WWC2: variants seen among roughly 807,000 people sequenced by gnomAD.
The protein encoded by WWC2 is protein WWC2.
Under a neutral mutation model 138.5 loss-of-function variants are expected in WWC2, and 101 were observed. The ratio of observed to expected loss-of-function variants is 0.73; its 90% CI spans 0.62 to 0.86. The LOEUF (loss-of-function observed/expected upper bound fraction) is 0.86, where lower values mean the gene tolerates loss of function less well. Ranked by LOEUF, WWC2 falls within the 40% of genes least tolerant of loss-of-function variation. The probability of loss-of-function intolerance (pLI) is 0.00; values close to 1 mark genes in which losing one functional copy is unlikely to be tolerated. For missense variants in WWC2, 1,420 were observed against 1,419.4 expected (o/e 1.00, Z -0.01); for synonymous variants, 558 against 538.4 (o/e 1.04, Z -0.50).
chr4:183,311,360 G>T (rs79886153), intron 21 of WWC2, among the ~76,000 whole-genome samples: 3,392 of 152,194 alleles, frequency 0.022, 61 homozygotes, highest in Middle Eastern at 0.061. Context: ...TATGATTCTC[G>T]TGAGCATAAT....
At chr4:183,125,778 T>C (rs1323836363) in intron 1 of WWC2, among the ~76,000 whole-genome samples, 1 of 152,248 alleles carries the variant, frequency 6.6e-6, no homozygotes, top group Non-Finnish European at 1.5e-5. Context: ...GAAGAATTCA[T>C]GCTCATTCCC....
At chr4:183,158,145 C>G (rs556207560) in intron 1 of WWC2, among the ~76,000 whole-genome samples, 38 of 152,222 alleles carry the variant, frequency 2.5e-4, no homozygotes, top group Middle Eastern at 6.8e-3. Flanking sequence ...ACTCTTGTTC[C>G]TGTTAGGGCT....
chr4:183,154,518 C>T (rs113204674), intron 1 of WWC2, among the ~76,000 whole-genome samples: 17 of 152,234 alleles, frequency 1.1e-4, no homozygotes, highest in African/African-American at 2.2e-4. Flanking sequence ...GTGATTTCCC[C>T]GGTGTTGGAC....
intron 8 of WWC2, 33 bp downstream of exon 8, chr4:183,250,026 C>T: frequency 1.3e-6 from 2 of 1,578,064 alleles, no homozygotes; most frequent in South Asian, 1.1e-5. Context: ...GTGCATGGCT[C>T]AAACATTTTC....
At chr4:183,284,108 G>T (rs1738166247) in intron 18 of WWC2, 118 bp from the exon 19 acceptor site, 7 of 1,187,224 alleles carry the variant, frequency 5.9e-6, no homozygotes, top group Non-Finnish European at 8.2e-6. Flanking sequence ...TCTTAGGAGT[G>T]GCCATAGTGC....
chr4:183,278,887 G>A lies in WWC2; in HGVS notation c.2563-1889G>A, dbSNP rs1365719748. On this transcript the variant is annotated intron_variant, in intron 16 of 22. Coordinates refer to ENST00000403733, the MANE Select transcript of WWC2 (RefSeq NM_024949.6). Reference sequence around the variant, plus strand: ...CTTAAGGAGGTTTTGGGCTGAGACAGTGGGGTTTTCTAGATATACAATCAT... The same window carrying A: ...CTTAAGGAGGTTTTGGGCTGAGACAATGGGGTTTTCTAGATATACAATCAT... Among the ~76,000 whole-genome samples the A allele has an allele frequency of 2.5e-3, 382 of 150,570 alleles. 4 individuals carry two copies. The highest frequency in any genetic ancestry group is 8.2e-3 in the African/African-American group (332 of 40,562).
chr4:183,289,761 G>T, intron 21 of WWC2, 126 bp downstream of exon 21: 1 of 1,408,238 alleles, frequency 7.1e-7, no homozygotes, highest in Non-Finnish European at 9.4e-7. Context: ...CTACAGCTTG[G>T]AACATATTTT....
At chr4:183,246,232 T>C (rs1736775681) in intron 6 of WWC2, among the ~76,000 whole-genome samples, 1 of 152,190 alleles carries the variant, frequency 6.6e-6, no homozygotes, top group Non-Finnish European at 1.5e-5. Context: ...GTCAAGTTTT[T>C]TTTTAAGGGT....
chr4:183,186,017 G>A (rs893529697), intron 1 of WWC2, among the ~76,000 whole-genome samples: 1 of 146,462 alleles, frequency 6.8e-6, no homozygotes, highest in South Asian at 2.2e-4. Flanking sequence ...GCGCAACCTC[G>A]GCTCACTGCA....
At chr4:183,174,322 AC>A (rs1734395461) in intron 1 of WWC2, among the ~76,000 whole-genome samples, 1 of 152,010 alleles carries the variant, frequency 6.6e-6, no homozygotes, top group African/African-American at 2.4e-5. Context: ...CCATGGTCAC[AC>A]CCTCCGTCTG....
At chr4:183,137,504 A>G (rs1426727387) in intron 1 of WWC2, among the ~76,000 whole-genome samples, 2 of 151,452 alleles carry the variant, frequency 1.3e-5, no homozygotes, top group East Asian at 3.9e-4. Flanking sequence ...GCTTCTTTGG[A>G]ATTTTTTTTT....
intron 1 of WWC2, among the ~76,000 whole-genome samples, chr4:183,153,645 CTTTT>C (rs397964355): frequency 7.7e-6 from 1 of 129,060 alleles, no homozygotes; most frequent in African/African-American, 3.0e-5. Context: ...TAGAAGTAGT[CTTTT>C]TTTTTTTTTT....
chr4:183,249,801 C>T, intron 7 of WWC2, 119 bp from the exon 8 acceptor site: 1 of 737,176 alleles, frequency 1.4e-6, no homozygotes, highest in Non-Finnish European at 2.2e-6. Context: ...TTGGTGTTTC[C>T]CGATTTCAGT....
intron 4 of WWC2, among the ~76,000 whole-genome samples, chr4:183,232,588 T>C (rs572975956): frequency 2.0e-5 from 3 of 152,358 alleles, no homozygotes; most frequent in South Asian, 4.1e-4. Context: ...GTTCATGTTG[T>C]GGCATGTATT....
At chr4:183,121,428 G>T (rs1732597139) in intron 1 of WWC2, among the ~76,000 whole-genome samples, 1 of 151,724 alleles carries the variant, frequency 6.6e-6, no homozygotes, top group Non-Finnish European at 1.5e-5. Flanking sequence ...AATTCATAAT[G>T]CTCCAATGAG....
chr4:183,245,578 TC>T (rs768289300), intron 6 of WWC2, 33 bp downstream of exon 6: 1 of 1,536,444 alleles, frequency 6.5e-7, no homozygotes, highest in Non-Finnish European at 8.7e-7. Flanking sequence ...AAGCCAAACT[TC>T]TACCTTCTGA....
At chr4:183,192,572 C>A (rs1358924201) in intron 1 of WWC2, among the ~76,000 whole-genome samples, 1 of 152,172 alleles carries the variant, frequency 6.6e-6, no homozygotes, top group Non-Finnish European at 1.5e-5. Flanking sequence ...CTTTTTATAT[C>A]ATTCTTGAGC....
chr4:183,132,966 T>A lies in WWC2; in HGVS notation c.131+33344T>A, dbSNP rs574368740. On this transcript the variant is annotated intron_variant, in intron 1 of 22. Coordinates refer to ENST00000403733, the MANE Select transcript of WWC2 (RefSeq NM_024949.6). Reference sequence around the variant, plus strand: ...TTAGCCCCTGTTCCCAAATTTAAAATGGGTCCCTATTTCAGGGATATTAAG... The same window carrying A: ...TTAGCCCCTGTTCCCAAATTTAAAAAGGGTCCCTATTTCAGGGATATTAAG... Among the ~76,000 whole-genome samples, 292 of 151,626 alleles carry A rather than the reference T, an allele frequency of 1.9e-3. 3 individuals are homozygous for A. The highest frequency in any genetic ancestry group is 3.2e-3 in the Non-Finnish European group (217 of 68,008).
chr4:183,251,070 A>G (rs1415286649), intron 8 of WWC2, among the ~76,000 whole-genome samples: 2 of 152,216 alleles, frequency 1.3e-5, no homozygotes, highest in African/African-American at 4.8e-5. Flanking sequence ...TGAACAAGTC[A>G]CTTAGGCGAT....
Sources: allele counts gnomAD v4.1 joint callset (sites outside exome capture counted in the v4.1 genomes callset), GRCh38; gene constraint gnomAD v4.1.1; transcripts MANE v1.5; gene names NCBI Gene and HGNC (gene_info 2026-07-23, HGNC 2026-07-21).